The following SDC3 variants were observed in gnomAD, a reference collection of about 807,000 sequenced individuals.
SDC3 encodes the protein syndecan 3.
Under a neutral mutation model 24.4 loss-of-function variants are expected in SDC3, and 13 were observed. The ratio of observed to expected loss-of-function variants is 0.53; its 90% CI spans 0.35 to 0.85. The LOEUF is 0.85. Among genes scored for constraint, SDC3 ranks in the 40% least tolerant of loss-of-function variants. The pLI is 0.01. For synonymous variants in SDC3, 295 were observed against 260.9 expected (o/e 1.13, Z -1.26); for missense variants, 571 against 584.5 (o/e 0.98, Z 0.24).
At chr1:30,901,097 C>T (rs932876136) in intron 1 of SDC3, among the ~76,000 whole-genome samples, 3 of 152,214 alleles carry the variant, frequency 2.0e-5, no homozygotes, top group South Asian at 4.1e-4. Context: ...CAGCTCCTGG[C>T]TGTGTGTGCT....
chr1:30,885,351 G>A (rs920958326), intron 1 of SDC3, among the ~76,000 whole-genome samples: 2 of 152,196 alleles, frequency 1.3e-5, no homozygotes, highest in African/African-American at 4.8e-5. Flanking sequence ...TCCAAATGCT[G>A]CATTATAACT....
chr1:30,874,940 C>T (rs1172897060), intron 3 of SDC3, among the ~76,000 whole-genome samples: 1 of 152,228 alleles, frequency 6.6e-6, no homozygotes, highest in Non-Finnish European at 1.5e-5. Flanking sequence ...TAGTAACAAT[C>T]CTTGGGGGAT....
At chr1:30,894,886 T>C (rs1639978972) in intron 1 of SDC3, among the ~76,000 whole-genome samples, 2 of 151,928 alleles carry the variant, frequency 1.3e-5, no homozygotes, top group South Asian at 2.1e-4. Context: ...TCTGAGTGTG[T>C]CCATGTTAGC....
chr1:30,902,643 C>T (rs1436375227), intron 1 of SDC3, among the ~76,000 whole-genome samples: 1 of 152,194 alleles, frequency 6.6e-6, no homozygotes, highest in Non-Finnish European at 1.5e-5. Flanking sequence ...CAGCTCCTGG[C>T]TCTGGCCACC....
At chr1:30,896,870 G>A (rs1167137991) in intron 1 of SDC3, among the ~76,000 whole-genome samples, 1 of 152,164 alleles carries the variant, frequency 6.6e-6, no homozygotes, top group Non-Finnish European at 1.5e-5. Flanking sequence ...GGCTGAGCCA[G>A]GAGAATTGCT....
At chr1:30,884,320 A>T (rs1163456732) in intron 1 of SDC3, among the ~76,000 whole-genome samples, 1 of 148,782 alleles carries the variant, frequency 6.7e-6, no homozygotes, top group Non-Finnish European at 1.5e-5. Context: ...ACACCCTCCC[A>T]CTCGCCCCAA....
At chr1:30,907,346 C>A (rs1638539161) in intron 1 of SDC3, among the ~76,000 whole-genome samples, 1 of 152,194 alleles carries the variant, frequency 6.6e-6, no homozygotes, top group South Asian at 2.1e-4. Context: ...GGAGCTGGGA[C>A]CAAGCATGGC....
chr1:30,877,447 T>C, intron 2 of SDC3: 1 of 593,718 alleles, frequency 1.7e-6, no homozygotes, highest in South Asian at 2.2e-5. Flanking sequence ...ACAGTTTCTA[T>C]GAGGTTGAAT....
intron 1 of SDC3, among the ~76,000 whole-genome samples, chr1:30,908,134 G>C (rs1323461607): frequency 6.6e-6 from 1 of 151,976 alleles, no homozygotes; most frequent in Admixed American, 6.5e-5. Flanking sequence ...ACCCGCGATC[G>C]GGTTCCCTCC....
chr1:30,892,442 G>GGAAT (rs71916891), intron 1 of SDC3, among the ~76,000 whole-genome samples: 143 of 151,590 alleles, frequency 9.4e-4, no homozygotes, highest in Non-Finnish European at 1.2e-3. Flanking sequence ...AGGCCCCCAG[G>GGAAT]GAATGAATGA....
chr1:30,901,827 T>A (rs1473011458), intron 1 of SDC3, among the ~76,000 whole-genome samples: 1 of 152,122 alleles, frequency 6.6e-6, no homozygotes, highest in Non-Finnish European at 1.5e-5. Context: ...AAAACAAGAT[T>A]TGCAGGAGCA....
chr1:30,895,190 A>G (rs1639983370), intron 1 of SDC3, among the ~76,000 whole-genome samples: 1 of 152,136 alleles, frequency 6.6e-6, no homozygotes, highest in African/African-American at 2.4e-5. Context: ...CCAGGGCCCC[A>G]TGCATCAGCA....
In SDC3 at chr1:30,873,026, G is replaced by GCAGCAGCCCCTCTATCTGC; in HGVS notation, c.*184_*185insGCAGATAGAGGGGCTGCTG. 1.6e-6 allele frequency: 1 copy of GCAGCAGCCCCTCTATCTGC among 613,450 alleles called. No homozygotes were observed. The highest frequency in any genetic ancestry group is 1.9e-5 in the South Asian group (1 of 51,800). 38.0% of individuals were successfully genotyped at this position (613,450 alleles called of 1,614,324 possible). A position where few individuals can be genotyped will look rare whatever the true frequency, so the allele number is the denominator to read the frequency against. The stretch of plus-strand genomic sequence containing the variant: ...GTAAGGGCACAGTCTGGGGCAGATG[G>GCAGCAGCCCCTCTATCTGC]CAGCAGCCCCTCTTCCTCGGGGAAG... On this transcript the variant is annotated 3_prime_UTR_variant, in exon 5 of 5. Transcript: ENST00000339394.
rs370415795 is a variant in SDC3, at chr1:30,870,784, A to C, written c.*2427T>G. Reference sequence around the variant, plus strand: ...CACCCCCACCATTGGCTCCAGCCCTACTGAGAAACTGCACCCACTGTTGGG... The same window carrying C: ...CACCCCCACCATTGGCTCCAGCCCTCCTGAGAAACTGCACCCACTGTTGGG... On this transcript the variant is annotated 3_prime_UTR_variant, in exon 5 of 5. Coordinates refer to ENST00000339394, the MANE Select transcript of SDC3 (RefSeq NM_014654.4). 4.6e-5 allele frequency: 7 copies of C among 152,376 alleles called. No homozygotes were observed. Among genetic ancestry groups the C allele is most frequent in the Admixed American group, 4.6e-4 (7 of 15,286 alleles). The allele number at this position is 152,376 out of a possible 1,614,324, so 9.4% of individuals were successfully genotyped here.
chr1:30,902,254 G>A (rs926251263), intron 1 of SDC3, among the ~76,000 whole-genome samples: 2 of 152,204 alleles, frequency 1.3e-5, no homozygotes, highest in African/African-American at 2.4e-5. Flanking sequence ...TGGGGCCACC[G>A]CCACCCCCAC....
At position 30,874,388 on chromosome 1, in the gene SDC3, G is replaced by T; in HGVS notation, c.1071C>A (p.Gly357=). 6.2e-7 allele frequency: 1 copy of T among 1,614,010 alleles called. No homozygotes were observed. Among genetic ancestry groups the T allele is most frequent in the Non-Finnish European group, 8.5e-7 (1 of 1,179,960 alleles). Residue 357 remains glycine (G), a synonymous_variant, in exon 4 of 5, where the codon GGC becomes GGA. Coordinates refer to ENST00000339394, the MANE Select transcript of SDC3 (RefSeq NM_014654.4). ...PGTLPKGARP[G]PGLLDNAIDS... ...CGATGGCATTGTCCAGGAGGCCAGG[G>T]CCCGGGCGGGCACCCTTGGGCAGTG...
rs1639692963 is a variant in SDC3, at chr1:30,878,790, C to T, written c.139-50G>A. ...GGGCTCGGCACCCGAGACTGGCAGC[C>T]TGGGTGAGCCCAGAAGGGCGACAGG... is the stretch of plus-strand genomic sequence containing the variant. On this transcript the variant is annotated intron_variant, in intron 1 of 4. Coordinates refer to ENST00000339394, the MANE Select transcript of SDC3 (RefSeq NM_014654.4). The T allele has an allele frequency of 4.6e-6, 7 of 1,520,272 alleles. No homozygotes were observed. The East Asian group carries it at 1.6e-4, about 34-fold the overall frequency. 94.2% of individuals were successfully genotyped at this position (1,520,272 alleles called of 1,614,324 possible).
chr1:30,905,674 C>G (rs930560315), intron 1 of SDC3, among the ~76,000 whole-genome samples: 1 of 152,056 alleles, frequency 6.6e-6, no homozygotes, highest in Non-Finnish European at 1.5e-5. Context: ...AGATCCCTTC[C>G]AGCCCTGGAC....
intron 1 of SDC3, chr1:30,879,995 G>A (rs1639715252): frequency 6.6e-6 from 1 of 152,560 alleles, no homozygotes; most frequent in Non-Finnish European, 1.5e-5. Flanking sequence ...AGCCACAGAG[G>A]GCTCAGCGTG....
Sources: allele counts gnomAD v4.1 joint callset (sites outside exome capture counted in the v4.1 genomes callset), GRCh38; gene constraint gnomAD v4.1.1; transcripts MANE v1.5; gene names NCBI Gene and HGNC (gene_info 2026-07-23, HGNC 2026-07-21).